Variants in ACYP2 observed in about 807,000 individuals in gnomAD.
ACYP2 encodes the protein acylphosphatase 2, also known as acylphosphatase-2.
In ACYP2, 12 loss-of-function variants were observed where a neutral mutation model predicts 11.2. The ratio of observed to expected loss-of-function variants is 1.08; its 90% CI spans 0.69 to 1.74. The LOEUF (loss-of-function observed/expected upper bound fraction) is 1.74, where lower values mean the gene tolerates loss of function less well. Ranked by LOEUF, ACYP2 falls within the 40% of genes most tolerant of loss-of-function variation. ACYP2 has a pLI of 0.00. For synonymous variants in ACYP2, 43 were observed against 32.2 expected, an observed-to-expected ratio of 1.33 and a Z score of -1.13; for missense variants, 134 against 101.9, an observed-to-expected ratio of 1.31 and a Z score of -1.35.
At chr2:54,105,308 T>C (rs1476998723) in intron 4 of ACYP2, among the ~76,000 whole-genome samples, 1 of 152,124 alleles carries the variant, frequency 6.6e-6, no homozygotes, top group East Asian at 1.9e-4. Context: ...CAGTTTCTCC[T>C]ACTTGGGAAA....
intron 6 of ACYP2, among the ~76,000 whole-genome samples, chr2:54,201,194 C>T (rs1240363861): frequency 6.6e-6 from 1 of 151,978 alleles, no homozygotes; most frequent in African/African-American, 2.4e-5. Flanking sequence ...CAAGCTCCGC[C>T]TCCTGGGTTC....
At chr2:54,205,567 T>C (rs925552004) in intron 6 of ACYP2, among the ~76,000 whole-genome samples, 2 of 152,228 alleles carry the variant, frequency 1.3e-5, no homozygotes, top group Non-Finnish European at 2.9e-5. Context: ...TCACATCCTG[T>C]TGCTGTGAGG....
intron 6 of ACYP2, among the ~76,000 whole-genome samples, chr2:54,148,342 T>C (rs190682752): frequency 2.9e-4 from 44 of 152,338 alleles, no homozygotes; most frequent in African/African-American, 8.9e-4. Flanking sequence ...TTTCATATTT[T>C]GATGCTATCA....
chr2:54,168,626 CCATTAT>C (rs1288229602), intron 6 of ACYP2, among the ~76,000 whole-genome samples: 1 of 151,746 alleles, frequency 6.6e-6, no homozygotes, highest in Non-Finnish European at 1.5e-5. Context: ...TGTAGTAGAG[CCATTAT>C]TGTTATATAT....
intron 6 of ACYP2, among the ~76,000 whole-genome samples, chr2:54,182,100 C>T (rs1057182052): frequency 1.6e-5 from 2 of 122,968 alleles, no homozygotes; most frequent in African/African-American, 6.8e-5. Flanking sequence ...TGCTTTTTCA[C>T]CCAGGCTGGA....
At chr2:54,302,951 G>A (rs1689782963) in intron 6 of ACYP2, among the ~76,000 whole-genome samples, 1 of 152,178 alleles carries the variant, frequency 6.6e-6, no homozygotes, top group African/African-American at 2.4e-5. Context: ...TCTCTTAAGT[G>A]TCTCTCTTTT....
intron 4 of ACYP2, among the ~76,000 whole-genome samples, chr2:54,100,912 T>C (rs893546702): frequency 6.6e-6 from 1 of 152,224 alleles, no homozygotes; most frequent in African/African-American, 2.4e-5. Flanking sequence ...ATGTGGACTT[T>C]GTAGGTGCTA....
At chr2:53,990,608 C>T (rs1269750128) in intron 2 of ACYP2, among the ~76,000 whole-genome samples, 1 of 141,160 alleles carries the variant, frequency 7.1e-6, no homozygotes, top group Non-Finnish European at 1.5e-5. Flanking sequence ...GAGATGGCAC[C>T]ATTGCACTCC....
chr2:54,138,696 A>G lies in ACYP2; in HGVS notation c.352A>G (p.Lys118Glu), dbSNP rs930063439. The change falls in exon 6 of 7, where the codon AAA becomes GAA. Residue 118 changes from lysine to glutamate, a missense_variant. By Grantham distance (56) the Lys-to-Glu change is moderately conservative. Transcript: ENST00000607452. ...GGTTGGCTGGGTGAAGAATACCAGC[A>G]AAGGCACCGTGACAGGCCAAGTGCA... is the stretch of plus-strand genomic sequence containing the variant. 3 of 1,614,060 alleles carry G rather than the reference A, an allele frequency of 1.9e-6. No homozygotes were observed. Among genetic ancestry groups the G allele is most frequent in the Non-Finnish European group, 2.5e-6 (3 of 1,180,010 alleles).
At chr2:54,232,872 G>C (rs1686297894) in intron 6 of ACYP2, among the ~76,000 whole-genome samples, 1 of 152,084 alleles carries the variant, frequency 6.6e-6, no homozygotes, top group South Asian at 2.1e-4. Context: ...CCTCCCACCA[G>C]GCCCCTCCCT....
chr2:54,255,556 C>G (rs370834903), intron 6 of ACYP2: 46 of 1,611,002 alleles, frequency 2.9e-5, no homozygotes, highest in Non-Finnish European at 3.7e-5. Context: ...CAGGTGGAGA[C>G]CCACGTTCAG....
At chr2:54,100,750 T>C (rs908017322) in intron 4 of ACYP2, among the ~76,000 whole-genome samples, 1 of 152,228 alleles carries the variant, frequency 6.6e-6, no homozygotes, top group Non-Finnish European at 1.5e-5. Context: ...CTCAGCCGAT[T>C]CACAGGGAAC....
Position 54,304,833 on chromosome 2 carries a change from A to G in ACYP2, c.*31A>G, listed in dbSNP as rs760570977. On this transcript the variant is annotated 3_prime_UTR_variant, in exon 7 of 7. Transcript: ENST00000607452. ...GAGAAAAATTGTAACACACTGAACA[A>G]TAGATACTGTATGTTCTTAAGACTA... 18 of 1,239,822 alleles carry G rather than the reference A, an allele frequency of 1.5e-5. No homozygotes were observed. The highest frequency in any genetic ancestry group is 1.9e-5 in the Non-Finnish European group (16 of 851,162). 76.8% of individuals were successfully genotyped at this position (1,239,822 alleles called of 1,614,324 possible).
At chr2:54,063,094 G>T (rs1676556282) in intron 4 of ACYP2, among the ~76,000 whole-genome samples, 1 of 151,984 alleles carries the variant, frequency 6.6e-6, no homozygotes, top group Non-Finnish European at 1.5e-5. Flanking sequence ...TGACCTTGAG[G>T]AAATTACAAT....
chr2:53,994,968 A>G (rs533171230), intron 2 of ACYP2, among the ~76,000 whole-genome samples: 18 of 152,288 alleles, frequency 1.2e-4, no homozygotes, highest in African/African-American at 4.1e-4. Flanking sequence ...ACCATGTGAC[A>G]GTTCTTTATA....
intron 6 of ACYP2, among the ~76,000 whole-genome samples, chr2:54,221,462 CAATT>C (rs911526300): frequency 9.3e-5 from 14 of 150,154 alleles, no homozygotes; most frequent in African/African-American, 3.2e-4. Context: ...TATAAAACAC[CAATT>C]ATTTGAGAGT....
At chr2:54,162,663 A>T (rs528818898) in intron 6 of ACYP2, among the ~76,000 whole-genome samples, 1 of 152,174 alleles carries the variant, frequency 6.6e-6, no homozygotes, top group South Asian at 2.1e-4. Flanking sequence ...GAACCTACAT[A>T]AAAAAATTTC....
rs546008728 is a variant in ACYP2, at chr2:54,045,619, A to G, written c.63-5339A>G. On this transcript the variant is annotated intron_variant, in intron 2 of 6. Coordinates refer to ENST00000607452, the MANE Select transcript of ACYP2 (RefSeq NM_001320586.2). ...ATCATGAGGTAAGGAGATCGAGACC[A>G]TCCTGGCTAAGACGGTGAAACCCTG... 5.3e-5 allele frequency among the ~76,000 whole-genome samples: 8 copies of G among 151,836 alleles called. No homozygotes were observed. In the South Asian group the frequency reaches 1.7e-3, roughly 32 times the overall value.
At chr2:54,096,242 G>C (rs1318476339) in intron 4 of ACYP2, among the ~76,000 whole-genome samples, 22 of 148,034 alleles carry the variant, frequency 1.5e-4, no homozygotes, top group African/African-American at 5.3e-4. Context: ...ACGGGGCGGC[G>C]GAGCAGAGGC....
Sources: allele counts gnomAD v4.1 joint callset (sites outside exome capture counted in the v4.1 genomes callset), GRCh38; gene constraint gnomAD v4.1.1; transcripts MANE v1.5; gene names NCBI Gene and HGNC (gene_info 2026-07-23, HGNC 2026-07-21).